The following FBXL2 variants were observed in gnomAD, a reference collection of about 807,000 sequenced individuals.
FBXL2 encodes F-box and leucine rich repeat protein 2.
FBXL2 carries 38 observed loss-of-function variants against 69.2 expected under a neutral mutation model. That is an observed-to-expected ratio of 0.55 (90% CI 0.42 to 0.72). The LOEUF is 0.72. FBXL2 is among the 30% of genes least tolerant of loss of function. The pLI is 0.00. For missense variants in FBXL2, 354 were observed against 520.3 expected (o/e 0.68, Z 3.11); for synonymous variants, 192 against 201.3 (o/e 0.95, Z 0.39).
At chr3:33,339,744 T>C (rs1194167214) in intron 2 of FBXL2, among the ~76,000 whole-genome samples, 1 of 152,132 alleles carries the variant, frequency 6.6e-6, no homozygotes, top group Non-Finnish European at 1.5e-5. Flanking sequence ...AAGTAAATAC[T>C]CTCCAACCCT....
intron 12 of FBXL2, among the ~76,000 whole-genome samples, chr3:33,401,606 A>C (rs2044231176): frequency 2.6e-5 from 4 of 152,212 alleles, no homozygotes; most frequent in Admixed American, 2.6e-4. Flanking sequence ...GCTCTTGAGC[A>C]CCGACTCCTT....
chr3:33,345,795 G>A (rs1467087739), intron 2 of FBXL2, among the ~76,000 whole-genome samples: 2 of 152,098 alleles, frequency 1.3e-5, no homozygotes, highest in African/African-American at 4.8e-5. Context: ...AATAATACAT[G>A]GGTCAAAGAA....
At chr3:33,359,728 C>T (rs1361199372) in intron 4 of FBXL2, among the ~76,000 whole-genome samples, 1 of 151,310 alleles carries the variant, frequency 6.6e-6, no homozygotes, top group African/African-American at 2.4e-5. Context: ...GGAGAAATGG[C>T]AGAAGCAGAA....
At chr3:33,418,753 G>T in the FBXL2 span, among the ~76,000 whole-genome samples, 1 of 151,586 alleles carries the variant, frequency 6.6e-6, no homozygotes, top group Admixed American at 6.6e-5. Context: ...CAGCTACTTG[G>T]GAAGCTGAGG....
At chr3:33,397,220 T>C in intron 12 of FBXL2, 2 of 1,001,624 alleles carry the variant, frequency 2.0e-6, no homozygotes, top group Non-Finnish European at 2.9e-6. Context: ...TGCAGTCCAA[T>C]GTCCTTCAAA....
intron 2 of FBXL2, among the ~76,000 whole-genome samples, chr3:33,316,535 C>T (rs1360269149): frequency 6.6e-6 from 1 of 152,108 alleles, no homozygotes; most frequent in African/African-American, 2.4e-5. Context: ...TTTGATTAGT[C>T]AAAATTTCCT....
chr3:33,278,210 C>T (rs180957248), intron 1 of FBXL2: 1 of 152,268 alleles, frequency 6.6e-6, no homozygotes, highest in East Asian at 1.9e-4. Flanking sequence ...CACCTGGCCC[C>T]CTTTAAGCTC....
chr3:33,339,186 C>T (rs2039823709), intron 2 of FBXL2, among the ~76,000 whole-genome samples: 1 of 152,158 alleles, frequency 6.6e-6, no homozygotes, highest in Non-Finnish European at 1.5e-5. Flanking sequence ...AAAAGCCCAA[C>T]ATCATTAATC....
At chr3:33,394,632 A>G (rs2043896007) in intron 12 of FBXL2, among the ~76,000 whole-genome samples, 1 of 152,164 alleles carries the variant, frequency 6.6e-6, no homozygotes, top group Non-Finnish European at 1.5e-5. Flanking sequence ...AAAGCCAGAC[A>G]TGGATCAGGA....
intron 2 of FBXL2, chr3:33,298,028 T>G (rs990633862): frequency 8.3e-6 from 3 of 361,830 alleles, no homozygotes; most frequent in African/African-American, 2.1e-5. Flanking sequence ...CGTGATGAAG[T>G]CAGTAATATG....
At chr3:33,384,519 C>T (rs1032760152) in intron 14 of FBXL2, among the ~76,000 whole-genome samples, 7 of 152,102 alleles carry the variant, frequency 4.6e-5, no homozygotes, top group African/African-American at 1.7e-4. Context: ...CCAGACTGCA[C>T]CACTGCACTT....
rs2042445162 is a variant in FBXL2, at chr3:33,373,669, G to C, written c.547G>C (p.Gly183Arg). 1.9e-6 allele frequency: 3 copies of C among 1,614,162 alleles called. No individual in the cohort carries two copies. Among genetic ancestry groups the C allele is most frequent in the Non-Finnish European group, 2.5e-6 (3 of 1,180,028 alleles). Residue 183 changes from glycine to arginine, a missense_variant, in exon 8 of 15, where the codon GGC (glycine) becomes CGC (arginine). Physicochemically the swap from Gly to Arg is moderately radical, Grantham distance 125 (BLOSUM62 -2). Transcript: ENST00000484457. ...CGAGGCACTGGTGCGAGGTTGTCGAGGCCTGAAAGCCCTGCTCCTGAGGGG... is the reference window on the plus strand; with the variant it reads ...CGAGGCACTGGTGCGAGGTTGTCGACGCCTGAAAGCCCTGCTCCTGAGGGG... ...GIEALVRGCRGLKALLLRGCT... is the reference protein window; with the variant it reads ...GIEALVRGCRRLKALLLRGCT...
Position 33,385,663 on chromosome 3 carries a change from G to C in FBXL2, c.*55G>C, listed in dbSNP as rs2043385144. The stretch of plus-strand genomic sequence containing the variant: ...AGGCATCCTTTCCTCTAGAAGACCT[G>C]AGTCTTCCTGACCGACTCCACCATC... On this transcript the variant is annotated 3_prime_UTR_variant, in exon 15 of 15. Transcript: ENST00000484457. The C allele has an allele frequency of 6.5e-6, 9 of 1,386,576 alleles. No individual in the cohort carries two copies. Among genetic ancestry groups the C allele is most frequent in the South Asian group, 1.2e-5 (1 of 86,086 alleles). The allele number at this position is 1,386,576 out of a possible 1,614,324, so 85.9% of individuals were successfully genotyped here.
intron 13 of FBXL2, among the ~76,000 whole-genome samples, chr3:33,379,545 G>A (rs1180892991): frequency 6.6e-6 from 1 of 150,810 alleles, no homozygotes; most frequent in Non-Finnish European, 1.5e-5. Flanking sequence ...AGTAGAGACG[G>A]GGTTTCACCA....
chr3:33,345,901 G>A (rs74423152), intron 2 of FBXL2, among the ~76,000 whole-genome samples: 8,132 of 152,220 alleles, frequency 0.053, 729 homozygotes, highest in African/African-American at 0.18. Flanking sequence ...TTACTGCATT[G>A]AATGAATACA....
chr3:33,417,448 T>C, the FBXL2 span, among the ~76,000 whole-genome samples: 1 of 152,246 alleles, frequency 6.6e-6, no homozygotes, highest in Middle Eastern at 3.2e-3. Flanking sequence ...TTCACCCATA[T>C]GTAGTATATA....
At chr3:33,345,005 C>G (rs2040330676) in intron 2 of FBXL2, among the ~76,000 whole-genome samples, 2 of 152,310 alleles carry the variant, frequency 1.3e-5, no homozygotes, top group Middle Eastern at 6.8e-3. Context: ...GGAATCCTTT[C>G]AGATGTTAAG....
chr3:33,390,690 G>C, downstream of FBXL2: 1 of 318,030 alleles, frequency 3.1e-6, no homozygotes, highest in Non-Finnish European at 5.6e-6. Context: ...GCAAGAGCTA[G>C]AAGGAGAACA....
At chr3:33,400,214 G>A (rs767570798) in intron 12 of FBXL2, 2 of 1,602,376 alleles carry the variant, frequency 1.2e-6, no homozygotes, top group Admixed American at 1.8e-5. Flanking sequence ...ACAGTCTTGT[G>A]TAGGAAGAGA....
Sources: allele counts gnomAD v4.1 joint callset (sites outside exome capture counted in the v4.1 genomes callset), GRCh38; gene constraint gnomAD v4.1.1; transcripts MANE v1.5; gene names NCBI Gene and HGNC (gene_info 2026-07-23, HGNC 2026-07-21).